DPYD: variants seen among roughly 807,000 people sequenced by gnomAD.
DPYD encodes the protein dihydropyrimidine dehydrogenase.
DPYD carries 109 observed loss-of-function variants against 116.2 expected under a neutral mutation model. That is an observed-to-expected ratio of 0.94 (90% CI 0.80 to 1.10). DPYD has a LOEUF of 1.10. Among genes scored for constraint, DPYD ranks in the 50% least tolerant of loss-of-function variants. The pLI is 0.00. For missense variants in DPYD, 1,302 were observed against 1,254.5 expected (o/e 1.04, Z -0.57); for synonymous variants, 440 against 432.0 (o/e 1.02, Z -0.23).
chr1:97,267,551 G>A (rs756663429), intron 18 of DPYD, among the ~76,000 whole-genome samples: 1 of 152,038 alleles, frequency 6.6e-6, no homozygotes, highest in African/African-American at 2.4e-5. Flanking sequence ...TGGCACAGGC[G>A]CACACAAGAG....
chr1:97,267,541 T>G (rs950508819), intron 18 of DPYD, among the ~76,000 whole-genome samples: 1 of 152,132 alleles, frequency 6.6e-6, no homozygotes, highest in Non-Finnish European at 1.5e-5. Flanking sequence ...GAAGGCAGAA[T>G]GGCACAGGCG....
intron 18 of DPYD, among the ~76,000 whole-genome samples, chr1:97,290,656 C>T (rs1031959860): frequency 1.4e-4 from 21 of 152,026 alleles, no homozygotes; most frequent in Non-Finnish European, 2.4e-4. Context: ...AAACTGGATC[C>T]CTTCCTTACA....
chr1:97,717,509 T>C (rs1392789042), intron 5 of DPYD, among the ~76,000 whole-genome samples: 1 of 151,980 alleles, frequency 6.6e-6, no homozygotes, highest in Non-Finnish European at 1.5e-5. Context: ...AGTTCTTTAG[T>C]AGTGATTTCT....
At chr1:97,816,417 G>T (rs757376886) in intron 3 of DPYD, among the ~76,000 whole-genome samples, 14 of 151,974 alleles carry the variant, frequency 9.2e-5, no homozygotes, top group Non-Finnish European at 1.5e-4. Flanking sequence ...ATAATTCCAT[G>T]GGTATAAAAC....
chr1:97,436,237 T>C (rs1030698874), intron 14 of DPYD, among the ~76,000 whole-genome samples: 5 of 152,048 alleles, frequency 3.3e-5, no homozygotes, highest in Non-Finnish European at 7.4e-5. Flanking sequence ...TAAGATTACA[T>C]TGGAGTTGAG....
intron 12 of DPYD, among the ~76,000 whole-genome samples, chr1:97,538,296 C>A (rs1224092302): frequency 6.6e-6 from 1 of 152,192 alleles, no homozygotes; most frequent in African/African-American, 2.4e-5. Context: ...TGTACTCACT[C>A]TACTGCAGGT....
At chr1:97,093,465 T>C (rs1342077422) in intron 21 of DPYD, among the ~76,000 whole-genome samples, 1 of 152,228 alleles carries the variant, frequency 6.6e-6, no homozygotes, top group Middle Eastern at 3.2e-3. Context: ...ACTGTTCATT[T>C]CAAATATTAT....
intron 11 of DPYD, among the ~76,000 whole-genome samples, chr1:97,571,685 G>A (rs1391237949): frequency 1.3e-5 from 2 of 151,950 alleles, no homozygotes; most frequent in Admixed American, 6.6e-5. Flanking sequence ...ATTTATGGTA[G>A]AAGAGGATTA....
At chr1:97,642,112 A>T (rs935053806) in intron 8 of DPYD, among the ~76,000 whole-genome samples, 1 of 152,206 alleles carries the variant, frequency 6.6e-6, no homozygotes, top group Non-Finnish European at 1.5e-5. Context: ...ACACAATCAA[A>T]TGGAAAAACA....
At chr1:97,565,776 G>A (rs187685614) in intron 11 of DPYD, among the ~76,000 whole-genome samples, 1 of 152,250 alleles carries the variant, frequency 6.6e-6, no homozygotes, top group Admixed American at 6.5e-5. Context: ...TGCCTGAGTA[G>A]TGCCTGGAAC....
intron 20 of DPYD, among the ~76,000 whole-genome samples, chr1:97,106,367 G>A (rs1651143134): frequency 1.3e-5 from 2 of 152,170 alleles, no homozygotes; most frequent in African/African-American, 4.8e-5. Context: ...TCCAGAAGCA[G>A]TTAGCATTTG....
chr1:97,557,378 G>A (rs1395393271), intron 11 of DPYD, among the ~76,000 whole-genome samples: 4 of 130,846 alleles, frequency 3.1e-5, no homozygotes, highest in Admixed American at 9.2e-5. Context: ...CATGACCTCC[G>A]CTCACTGTAA....
At chr1:97,662,415 G>A (rs547465631) in intron 8 of DPYD, among the ~76,000 whole-genome samples, 79 of 151,472 alleles carry the variant, frequency 5.2e-4, no homozygotes, top group Non-Finnish European at 1.0e-3. Flanking sequence ...GGCAAATGAC[G>A]AGGTCCAGAG....
At chr1:97,520,680 G>A (rs1255993043) in intron 12 of DPYD, among the ~76,000 whole-genome samples, 1 of 150,172 alleles carries the variant, frequency 6.7e-6, no homozygotes, top group Non-Finnish European at 1.5e-5. Flanking sequence ...CTGTGTCCAT[G>A]TGTTCTCATT....
At chr1:97,407,682 C>T (rs141996270) in intron 14 of DPYD, among the ~76,000 whole-genome samples, 59 of 152,220 alleles carry the variant, frequency 3.9e-4, no homozygotes, top group African/African-American at 2.9e-4. Context: ...ATCCAATACA[C>T]GGTACTCTTC....
chr1:97,828,093 G>A (rs1669329462), intron 3 of DPYD, 21 bp downstream of exon 3: 1 of 1,609,230 alleles, frequency 6.2e-7, no homozygotes, highest in African/African-American at 1.3e-5. Context: ...TGTGACTGTT[G>A]CTATGGTGAC....
intron 3 of DPYD, among the ~76,000 whole-genome samples, chr1:97,784,998 A>C (rs914615393): frequency 5.3e-5 from 8 of 152,202 alleles, no homozygotes; most frequent in African/African-American, 1.9e-4. Flanking sequence ...GTAAAATATA[A>C]TTTTTTATAA....
intron 14 of DPYD, among the ~76,000 whole-genome samples, chr1:97,427,794 G>A (rs1674956868): frequency 6.6e-6 from 1 of 151,880 alleles, no homozygotes; most frequent in African/African-American, 2.4e-5. Context: ...TCAGCCAACA[G>A]TCAAAGAACC....
intron 3 of DPYD, among the ~76,000 whole-genome samples, chr1:97,764,336 C>G (rs1231497708): frequency 2.0e-5 from 3 of 152,004 alleles, no homozygotes; most frequent in Non-Finnish European, 4.4e-5. Flanking sequence ...CTTCCCAACA[C>G]AGAGATTTTT....
Sources: gnomAD v4.1 joint callset for allele counts (sites outside exome capture counted in the v4.1 genomes callset) on GRCh38, gnomAD v4.1.1 for gene constraint, MANE v1.5 for transcripts, NCBI Gene and HGNC (gene_info 2026-07-23, HGNC 2026-07-21) for gene names.